NFE2L2: variants seen among roughly 807,000 people sequenced by gnomAD.
The protein encoded by NFE2L2 is nuclear factor erythroid 2-related factor 2.
NFE2L2 carries 20 observed loss-of-function variants against 49.6 expected under a neutral mutation model. The ratio of observed to expected loss-of-function variants is 0.40; its 90% confidence interval spans 0.28 to 0.59. NFE2L2 has a LOEUF of 0.59. NFE2L2 is among the 20% of genes least tolerant of loss of function. NFE2L2 has a pLI of 0.40. For missense variants in NFE2L2, 578 were observed against 714.2 expected, an observed-to-expected ratio of 0.81 and a Z score of 2.17; for synonymous variants, 244 against 256.5, an observed-to-expected ratio of 0.95 and a Z score of 0.47.
Position 177,231,076 on chromosome 2 carries a change from C to T in NFE2L2, c.1527G>A (p.Val509=). The change falls in exon 5 of 5, where the codon GTG becomes GTA. Residue 509 remains valine (V), a synonymous_variant. Transcript: ENST00000397062. Reference sequence around the variant, plus strand: ...TTCTTTTTCTGCAATTCTGAGCAGCCACTTTATTCTTACCCCTCCTACGTA... The same window carrying T: ...TTCTTTTTCTGCAATTCTGAGCAGCTACTTTATTCTTACCCCTCCTACGTA... ...RDIRRRGKNK[V]AAQNCRKRKL... 6.2e-7 allele frequency: 1 copy of T among 1,614,058 alleles called. No individual in the cohort carries two copies. The highest frequency in any genetic ancestry group is 2.2e-5 in the East Asian group (1 of 44,882).
chr2:177,231,471 C>G lies in NFE2L2; in HGVS notation c.1132G>C (p.Val378Leu). Residue 378 changes from valine (V) to leucine (L), a missense_variant, in exon 5 of 5, where the codon GTG becomes CTG. Physicochemically the swap from Val to Leu is conservative, Grantham distance 32. Around this residue, in one of 3 missense-constraint regions of NFE2L2, gnomAD observed 368 missense variants for 384.6 expected, o/e 0.96. Transcript: ENST00000397062. ...DTLLGLSDSE[V>L]EELDSAPGSV... is the part of the protein sequence containing the mutation. ...CCAGGGGCACTATCTAGCTCTTCCACTTCAGAATCACTGAGGCCAAGTAGT... is the reference window on the plus strand; with the variant it reads ...CCAGGGGCACTATCTAGCTCTTCCAGTTCAGAATCACTGAGGCCAAGTAGT... 6.2e-7 allele frequency: 1 copy of G among 1,614,264 alleles called. No homozygotes were observed. The highest frequency in any genetic ancestry group is 8.5e-7 in the Non-Finnish European group (1 of 1,180,042).
intron 1 of NFE2L2, among the ~76,000 whole-genome samples, chr2:177,248,925 A>G (rs557078238): frequency 4.4e-4 from 67 of 152,198 alleles, no homozygotes; most frequent in African/African-American, 1.5e-3. Flanking sequence ...TGGGCCCCTA[A>G]AAACTGCCAA....
chr2:177,231,265 A>C lies in NFE2L2; in HGVS notation c.1338T>G (p.His446Gln), dbSNP rs372400828. Residue 446 changes from histidine to glutamine, a missense_variant, in exon 5 of 5, where the codon CAT becomes CAG. This residue lies in a region of NFE2L2 where 368 missense variants were observed against 384.6 expected (regional missense o/e 0.96). Coordinates refer to ENST00000397062, the MANE Select transcript of NFE2L2 (RefSeq NM_006164.5). Reference protein sequence around the residue: ...HRKTPFTKDKHSSRLEAHLTR... With the variant: ...HRKTPFTKDKQSSRLEAHLTR... ...TGAGATGAGCCTCCAAGCGGCTTGAATGTTTGTCTTTTGTGAATGGGGTTT... is the reference window on the plus strand; with the variant it reads ...TGAGATGAGCCTCCAAGCGGCTTGACTGTTTGTCTTTTGTGAATGGGGTTT... 2 of 1,614,178 alleles carry C rather than the reference A, an allele frequency of 1.2e-6. No individual in the cohort carries two copies. Among genetic ancestry groups the C allele is most frequent in the Admixed American group, 1.7e-5 (1 of 60,022 alleles).
Position 177,231,991 on chromosome 2 carries a change from A to AT in NFE2L2, c.611dup (p.Asn204LysfsTer2), listed in dbSNP as rs1689571283. Reference sequence around the variant, plus strand: ...CCATGGTAGTCTCAACCAGCTTGTCATTTTCAATATTAAGACACTGCATGA... The same window carrying AT: ...CCATGGTAGTCTCAACCAGCTTGTCATTTTTCAATATTAAGACACTGCATGA... On this transcript the variant is annotated frameshift_variant, in exon 5 of 5. Transcript: ENST00000397062. LOFTEE classifies it high-confidence loss of function. 1 of 1,608,120 alleles carries AT rather than the reference A, an allele frequency of 6.2e-7. No homozygotes were observed.
chr2:177,244,252 A>C (rs904787875), intron 1 of NFE2L2, among the ~76,000 whole-genome samples: 2 of 151,996 alleles, frequency 1.3e-5, no homozygotes, highest in Non-Finnish European at 2.9e-5. Context: ...CAGTGAGCCA[A>C]GATCGCGCCA....
intron 1 of NFE2L2, among the ~76,000 whole-genome samples, chr2:177,257,019 C>T (rs952124890): frequency 6.6e-6 from 1 of 152,214 alleles, no homozygotes; most frequent in African/African-American, 2.4e-5. Flanking sequence ...GGAAGTTAGC[C>T]CCAGTTTCCA....
At chr2:177,251,867 G>A (rs1341051708) in intron 1 of NFE2L2, among the ~76,000 whole-genome samples, 5 of 151,924 alleles carry the variant, frequency 3.3e-5, no homozygotes, top group South Asian at 2.1e-4. Context: ...TTAGCCAGGC[G>A]TGGTGGCCCG....
At chr2:177,252,855 GC>G (rs1295169451) in intron 1 of NFE2L2, among the ~76,000 whole-genome samples, 1 of 152,154 alleles carries the variant, frequency 6.6e-6, no homozygotes, top group Non-Finnish European at 1.5e-5. Context: ...CTACACCTTG[GC>G]AGGAGCCCGC....
intron 1 of NFE2L2, among the ~76,000 whole-genome samples, chr2:177,242,888 AAGG>A (rs1689987158): frequency 1.3e-5 from 2 of 152,058 alleles, no homozygotes; most frequent in African/African-American, 2.4e-5. Context: ...CTGAGTCCCC[AAGG>A]AGGTTTTGTT....
chr2:177,252,167 C>T (rs911082324), intron 1 of NFE2L2, among the ~76,000 whole-genome samples: 1 of 152,070 alleles, frequency 6.6e-6, no homozygotes, highest in Non-Finnish European at 1.5e-5. Flanking sequence ...GATGATGAAA[C>T]GGAAACACAC....
At position 177,264,708 on chromosome 2, in the gene NFE2L2, C is replaced by A; in HGVS notation, c.-132G>T. 1 of 717,084 alleles carries A rather than the reference C, an allele frequency of 1.4e-6. No homozygotes were observed. The highest frequency in any genetic ancestry group is 4.3e-4 in the Middle Eastern group (1 of 2,334). The allele number at this position is 717,084 out of a possible 1,614,324, so 44.4% of individuals were successfully genotyped here. ...CGGCTGCGTCGGCGGCTCCTCCGGG[C>A]TCCCCGGCACTCGGTAATCGGCTAC... On this transcript the variant is annotated 5_prime_UTR_variant, in exon 1 of 5. Transcript: ENST00000397062.
intron 1 of NFE2L2, among the ~76,000 whole-genome samples, chr2:177,248,019 CAGG>C (rs1397594237): frequency 6.6e-6 from 1 of 152,214 alleles, no homozygotes; most frequent in Non-Finnish European, 1.5e-5. Context: ...ATGTATCACT[CAGG>C]AACAGGTGTT....
chr2:177,261,655 A>G (rs1394324459), intron 1 of NFE2L2, among the ~76,000 whole-genome samples: 5 of 152,220 alleles, frequency 3.3e-5, no homozygotes, highest in Non-Finnish European at 2.9e-5. Flanking sequence ...CCAACCTGGA[A>G]ACCAGGGATA....
intron 1 of NFE2L2, among the ~76,000 whole-genome samples, chr2:177,245,583 T>C (rs1343285745): frequency 6.6e-6 from 1 of 152,010 alleles, no homozygotes; most frequent in African/African-American, 2.4e-5. Context: ...CTCACTACAG[T>C]AGCATGAGGG....
At chr2:177,244,658 C>T (rs1208662045) in intron 1 of NFE2L2, among the ~76,000 whole-genome samples, 1 of 152,154 alleles carries the variant, frequency 6.6e-6, no homozygotes, top group Non-Finnish European at 1.5e-5. Flanking sequence ...AGGCCCAGCC[C>T]AAGTGGGCAT....
At chr2:177,241,187 G>T (rs1032830584) in intron 1 of NFE2L2, among the ~76,000 whole-genome samples, 17 of 152,258 alleles carry the variant, frequency 1.1e-4, no homozygotes, top group African/African-American at 3.9e-4. Context: ...CTTTCATGTA[G>T]TATAAAGTTG....
At chr2:177,237,355 G>A (rs755332811) in intron 1 of NFE2L2, among the ~76,000 whole-genome samples, 20 of 152,148 alleles carry the variant, frequency 1.3e-4, no homozygotes, top group Admixed American at 9.2e-4. Flanking sequence ...CAACCACAGA[G>A]CATTCAGTCG....
At chr2:177,264,343 G>A (rs1690860009) in intron 1 of NFE2L2, 189 bp downstream of exon 1, 2 of 538,036 alleles carry the variant, frequency 3.7e-6, no homozygotes, top group Non-Finnish European at 6.2e-6. Flanking sequence ...CGGATCACCC[G>A]GCCGCGTCCC....
At chr2:177,251,421 C>A (rs1458018151) in intron 1 of NFE2L2, among the ~76,000 whole-genome samples, 2 of 152,152 alleles carry the variant, frequency 1.3e-5, no homozygotes, top group Non-Finnish European at 2.9e-5. Context: ...AGAAATGCTG[C>A]CACAAGTGAA....
Sources: allele counts gnomAD v4.1 joint callset (sites outside exome capture counted in the v4.1 genomes callset), GRCh38; gene constraint gnomAD v4.1.1; regional missense constraint gnomAD v4.1.1; transcripts MANE v1.5; gene names NCBI Gene and HGNC (gene_info 2026-07-23, HGNC 2026-07-21).